UPK2: variants seen among roughly 807,000 people sequenced by gnomAD.
The protein encoded by UPK2 is uroplakin 2.
Under a neutral mutation model 14.8 loss-of-function variants are expected in UPK2, and 19 were observed. The observed-to-expected ratio is 1.29, with a 90% CI of 0.90 to 1.89. The LOEUF (loss-of-function observed/expected upper bound fraction) is 1.89, where lower values mean the gene tolerates loss of function less well. Among genes scored for constraint, UPK2 ranks in the 40% most tolerant of loss-of-function variants. UPK2 has a pLI of 0.00. For synonymous variants in UPK2, 102 were observed against 101.6 expected (o/e 1.00, Z -0.02); for missense variants, 232 against 236.0 (o/e 0.98, Z 0.11).
rs760870167 is a variant in UPK2, at chr11:118,958,222, TCCCGCAAGTAAGGAGGTCTG to T, written c.549_*13del. 7 of 1,613,198 alleles carry T rather than the reference TCCCGCAAGTAAGGAGGTCTG, an allele frequency of 4.3e-6. No individual in the cohort carries two copies. Among genetic ancestry groups the T allele is most frequent in the Non-Finnish European group, 5.1e-6 (6 of 1,179,754 alleles). Reference sequence around the variant, plus strand: ...CTTCATCATTGCCCTGGCACTGGGCTCCCGCAAGTAAGGAGGTCTGCCCGGAGCAGCAGCTTCTCCAGGAA... The same window carrying T: ...CTTCATCATTGCCCTGGCACTGGGCTCCCGGAGCAGCAGCTTCTCCAGGAA... On this transcript the variant is annotated stop_lost and 3_prime_UTR_variant, in exon 5 of 5. Transcript: ENST00000264031. This position sits in a 1 kb window ranked among gnomAD's most constrained non-coding sequence, Gnocchi z 4.6.
At chr11:118,957,819 A>G in intron 4 of UPK2, 151 bp downstream of exon 4, 1 of 942,632 alleles carries the variant, frequency 1.1e-6, no homozygotes, top group Non-Finnish European at 1.6e-6. Context: ...AACCTTCGGC[A>G]TGGCTACTGC....
At chr11:118,957,085 T>A in intron 2 of UPK2, 71 bp downstream of exon 2, 1 of 1,607,494 alleles carries the variant, frequency 6.2e-7, no homozygotes, top group Non-Finnish European at 8.5e-7. Context: ...TCTGCACCCT[T>A]TTCCCCATTC....
At chr11:118,957,744 A>G (rs1941576142) in intron 4 of UPK2, 76 bp downstream of exon 4, 2 of 1,575,190 alleles carry the variant, frequency 1.3e-6, no homozygotes. Flanking sequence ...CCTCATCCCC[A>G]GTCTGGGTTG....
intron 2 of UPK2, 71 bp downstream of exon 2, chr11:118,957,085 T>C: frequency 1.2e-6 from 2 of 1,607,494 alleles, no homozygotes; most frequent in South Asian, 2.2e-5. Context: ...TCTGCACCCT[T>C]TTCCCCATTC....
Position 118,956,392 on chromosome 11 carries a change from G to C in UPK2, c.42G>C (p.Leu14=). 1 of 1,610,878 alleles carries C rather than the reference G, an allele frequency of 6.2e-7. No individual in the cohort carries two copies. Among genetic ancestry groups the C allele is most frequent in the Non-Finnish European group, 8.5e-7 (1 of 1,179,990 alleles). Reference sequence around the variant, plus strand: ...CCATCCGGACCTTGCCCTTGATCCTGATTCTGCTGGCTCTGCTGTCCCCAG... The same window carrying C: ...CCATCCGGACCTTGCCCTTGATCCTCATTCTGCTGGCTCTGCTGTCCCCAG... ...LLPIRTLPLI[L]ILLALLSPGA... Residue 14 remains leucine, a synonymous_variant, in exon 1 of 5, where the codon CTG becomes CTC. Coordinates refer to ENST00000264031, the MANE Select transcript of UPK2 (RefSeq NM_006760.4). This position sits in a 1 kb window ranked among gnomAD's most constrained non-coding sequence, Gnocchi z 4.1.
rs537247900 is a variant in UPK2, at chr11:118,957,236, G to A, written c.237G>A (p.Pro79=). The change falls in exon 3 of 5, where the codon CCG becomes CCA. Residue 79 remains proline (P), a synonymous_variant. Coordinates refer to ENST00000264031, the MANE Select transcript of UPK2 (RefSeq NM_006760.4). ...KVVTSSFVVP[P]CRGRRELVSV... Reference sequence around the variant, plus strand: ...TGACGTCCAGCTTTGTGGTGCCTCCGTGCCGTGGGCGCAGGGAACTGGTGA... The same window carrying A: ...TGACGTCCAGCTTTGTGGTGCCTCCATGCCGTGGGCGCAGGGAACTGGTGA... 60 of 1,614,124 alleles carry A rather than the reference G, an allele frequency of 3.7e-5. No individual in the cohort carries two copies. The highest frequency in any genetic ancestry group is 1.9e-4 in the African/African-American group (14 of 75,016).
rs754074351 is a variant in UPK2 at position 118,957,303 on chromosome 11, A to C, written c.304A>C (p.Ser102Arg). The C allele has an allele frequency of 1.2e-6, 2 of 1,614,160 alleles. No individual in the cohort carries two copies. Among genetic ancestry groups the C allele is most frequent in the Non-Finnish European group, 8.5e-7 (1 of 1,180,038 alleles). Reference sequence around the variant, plus strand: ...TGCTGGCTTCACAGTCACTCGGCTCAGTGCATACCAGGTGACAAACCTCGT... The same window carrying C: ...TGCTGGCTTCACAGTCACTCGGCTCCGTGCATACCAGGTGACAAACCTCGT... ...SGAGFTVTRL[S>R]AYQVTNLVPG... The change falls in exon 3 of 5, where the codon AGT becomes CGT. Residue 102 changes from serine to arginine, a missense_variant. Coordinates refer to ENST00000264031, the MANE Select transcript of UPK2 (RefSeq NM_006760.4).
At position 118,958,185 on chromosome 11, in the gene UPK2, GCTGGTGCTGGGCTTCATCATTGCC is replaced by G; in HGVS notation, c.512_535del (p.Val171_Leu178del). 6.2e-7 allele frequency: 1 copy of G among 1,613,952 alleles called. No individual in the cohort carries two copies. Among genetic ancestry groups the G allele is most frequent in the African/African-American group, 1.3e-5 (1 of 75,026 alleles). The stretch of plus-strand genomic sequence containing the variant: ...TGCTGCTCTCTGTCGCCATGTTCCT[GCTGGTGCTGGGCTTCATCATTGCC>G]CTGGCACTGGGCTCCCGCAAGTAAG... On this transcript the variant is annotated inframe_deletion, in exon 5 of 5. Coordinates refer to ENST00000264031, the MANE Select transcript of UPK2 (RefSeq NM_006760.4). The surrounding 1 kb of genome is among the most constrained non-coding windows in gnomAD (Gnocchi z 4.6).
chr11:118,957,554 C>T, intron 3 of UPK2, 44 bp from the exon 4 acceptor site: 1 of 1,609,406 alleles, frequency 6.2e-7, no homozygotes, highest in African/African-American at 1.3e-5. Context: ...CTGTAAGTCC[C>T]AATACTCACT....
rs1388579328 is a variant in UPK2 at position 118,958,072 on chromosome 11, A to T, written c.419-25A>T. On this transcript the variant is annotated intron_variant, in intron 4 of 4. Coordinates refer to ENST00000264031, the MANE Select transcript of UPK2 (RefSeq NM_006760.4). This position sits in a 1 kb window ranked among gnomAD's most constrained non-coding sequence, Gnocchi z 4.6. ...CAGGCTGGGGGTCTCTCCCGCCCAC[A>T]GTGGTCTCCCCTCTCTTTTGACAGG... is the stretch of plus-strand genomic sequence containing the variant. 4 of 1,600,580 alleles carry T rather than the reference A, an allele frequency of 2.5e-6. No homozygotes were observed. Among genetic ancestry groups the T allele is most frequent in the Non-Finnish European group, 3.4e-6 (4 of 1,170,744 alleles).
intron 2 of UPK2, 42 bp from the exon 3 acceptor site, chr11:118,957,159 GGCCTCCA>G (rs1941569714): frequency 1.2e-6 from 2 of 1,613,164 alleles, no homozygotes; most frequent in African/African-American, 2.7e-5. Flanking sequence ...TTCTCCTTGG[GGCCTCCA>G]GAAACTTGAC....
In UPK2 at chr11:118,956,750, A is replaced by C; in HGVS notation, c.77-133A>C. 1 of 1,258,462 alleles carries C rather than the reference A, an allele frequency of 7.9e-7. No homozygotes were observed. The highest frequency in any genetic ancestry group is 1.1e-6 in the Non-Finnish European group (1 of 912,628). The allele number at this position is 1,258,462 out of a possible 1,614,324, so 78.0% of individuals were successfully genotyped here. On this transcript the variant is annotated intron_variant, in intron 1 of 4. Transcript: ENST00000264031. This position sits in a 1 kb window ranked among gnomAD's most constrained non-coding sequence, Gnocchi z 4.1. ...AGCCCAAGCCTGCCACCTGGTGGTC[A>C]TACTGGCACAGGCCTGGCTGTTCTG...
rs867359764 is a variant in UPK2 at position 118,956,798 on chromosome 11, G to C, written c.77-85G>C. ...CTGCCCAGGGTTCACAGAGTGGAAA[G>C]GGAGATGGCTCCAATGGGACCGGGC... On this transcript the variant is annotated intron_variant, in intron 1 of 4. Transcript: ENST00000264031. The surrounding 1 kb of genome is among the most constrained non-coding windows in gnomAD (Gnocchi z 4.1). 1 of 1,564,970 alleles carries C rather than the reference G, an allele frequency of 6.4e-7. No homozygotes were observed. The highest frequency in any genetic ancestry group is 1.4e-5 in the African/African-American group (1 of 74,000).
In UPK2 at chr11:118,957,315, G is replaced by A. The variant is rs757505393; in HGVS notation, c.316G>A (p.Val106Met). Residue 106 changes from valine to methionine, a missense_variant, in exon 3 of 5, where the codon GTG becomes ATG. Transcript: ENST00000264031. ...AGTCACTCGGCTCAGTGCATACCAGGTGACAAACCTCGTGCCAGGAACCAA... is the reference window on the plus strand; with the variant it reads ...AGTCACTCGGCTCAGTGCATACCAGATGACAAACCTCGTGCCAGGAACCAA... Reference protein sequence around the residue: ...FTVTRLSAYQVTNLVPGTKFY... With the variant: ...FTVTRLSAYQMTNLVPGTKFY... 2.5e-6 allele frequency: 4 copies of A among 1,614,130 alleles called. No homozygotes were observed. The South Asian group carries it at 4.4e-5, about 18-fold the overall frequency.
rs780173852 is a variant in UPK2 at position 118,958,171 on chromosome 11, G to C, written c.493G>C (p.Val165Leu). The C allele has an allele frequency of 1.2e-5, 20 of 1,614,032 alleles. No individual in the cohort carries two copies. Among genetic ancestry groups the C allele is most frequent in the Admixed American group, 3.3e-5 (2 of 60,008 alleles). ...GGTGGTCATCACGGTGCTGCTCTCT[G>C]TCGCCATGTTCCTGCTGGTGCTGGG... ...GMVVITVLLS[V>L]AMFLLVLGFI... The change falls in exon 5 of 5, where the codon GTC (valine) becomes CTC (leucine). Residue 165 changes from valine to leucine, a missense_variant. By Grantham distance (32) the Val-to-Leu change is conservative. Transcript: ENST00000264031. The surrounding 1 kb of genome is among the most constrained non-coding windows in gnomAD (Gnocchi z 4.6).
chr11:118,957,651 C>G lies in UPK2; in HGVS notation c.401C>G (p.Pro134Arg). The change falls in exon 4 of 5, where the codon CCA (proline) becomes CGA (arginine). Residue 134 changes from proline (P) to arginine (R), a missense_variant. Pro to Arg is a moderately radical substitution (Grantham distance 103). Transcript: ENST00000264031. The stretch of plus-strand genomic sequence containing the variant: ...GCCACTGAGTCCAGCAGAGAGATCC[C>G]AATGTCCACACTCCCTCGTAAGTAA... Reference protein sequence around the residue: ...GTATESSREIPMSTLPRRNME... With the variant: ...GTATESSREIRMSTLPRRNME... The G allele has an allele frequency of 6.2e-7, 1 of 1,614,160 alleles. No individual in the cohort carries two copies. Among genetic ancestry groups the G allele is most frequent in the Admixed American group, 1.7e-5 (1 of 60,018 alleles).
chr11:118,956,376 C>T lies in UPK2; in HGVS notation c.26C>T (p.Thr9Ile). 6.2e-7 allele frequency: 1 copy of T among 1,611,582 alleles called. No individual in the cohort carries two copies. The highest frequency in any genetic ancestry group is 8.5e-7 in the Non-Finnish European group (1 of 1,179,990). ...ATGGCACCCCTGCTGCCCATCCGGA[C>T]CTTGCCCTTGATCCTGATTCTGCTG... MAPLLPIR[T>I]LPLILILLAL... The change falls in exon 1 of 5, where the codon ACC (threonine) becomes ATC (isoleucine). Residue 9 changes from threonine to isoleucine, a missense_variant. Transcript: ENST00000264031. This position sits in a 1 kb window ranked among gnomAD's most constrained non-coding sequence, Gnocchi z 4.1.
chr11:118,957,668 CGTAA>C lies in UPK2; in HGVS notation c.418+5_418+8del, dbSNP rs745846170. 2.5e-6 allele frequency: 4 copies of C among 1,614,118 alleles called. No individual in the cohort carries two copies. Among genetic ancestry groups the C allele is most frequent in the Admixed American group, 1.7e-5 (1 of 60,020 alleles). On this transcript the variant is annotated splice_donor_variant and splice_donor_region_variant and intron_variant, in intron 4 of 4. Transcript: ENST00000264031. LOFTEE classifies it high-confidence loss of function. ...AGAGATCCCAATGTCCACACTCCCT[CGTAA>C]GTAACACTCCCGCCTCCCTTTCCCA...
At position 118,957,298 on chromosome 11, in the gene UPK2, G is replaced by C. The variant is rs192943196; in HGVS notation, c.299G>C (p.Arg100Pro). Residue 100 changes from arginine (R) to proline (P), a missense_variant, in exon 3 of 5, where the codon CGG becomes CCG. Transcript: ENST00000264031. ...AGTGGTGCTGGCTTCACAGTCACTC[G>C]GCTCAGTGCATACCAGGTGACAAAC... is the stretch of plus-strand genomic sequence containing the variant. Reference protein sequence around the residue: ...VDSGAGFTVTRLSAYQVTNLV... With the variant: ...VDSGAGFTVTPLSAYQVTNLV... 6.2e-7 allele frequency: 1 copy of C among 1,614,116 alleles called. No homozygotes were observed. Among genetic ancestry groups the C allele is most frequent in the Admixed American group, 1.7e-5 (1 of 59,996 alleles).
Sources: allele counts gnomAD v4.1 joint callset, GRCh38; gene constraint gnomAD v4.1.1; non-coding constraint Gnocchi (gnomAD v3.1); transcripts MANE v1.5; gene names NCBI Gene and HGNC (gene_info 2026-07-23, HGNC 2026-07-21).